Variants in SOCS6 observed in about 807,000 individuals in gnomAD.
SOCS6 encodes the protein suppressor of cytokine signaling 6.
Under a neutral mutation model 27.7 loss-of-function variants are expected in SOCS6, and 5 were observed. The observed-to-expected ratio is 0.18, with a 90% CI of 0.09 to 0.38. The LOEUF (loss-of-function observed/expected upper bound fraction) is 0.38. Ranked by LOEUF, SOCS6 falls within the 10% of genes least tolerant of loss-of-function variation. The pLI is 1.00. For missense variants in SOCS6, 595 were observed against 688.1 expected (o/e 0.86, Z 1.51); for synonymous variants, 271 against 260.0 (o/e 1.04, Z -0.41).
rs1911283803 is a variant in SOCS6 at position 70,328,230 on chromosome 18, A to G, written c.*1954A>G. On this transcript the variant is annotated 3_prime_UTR_variant, in exon 2 of 2. Coordinates refer to ENST00000397942, the MANE Select transcript of SOCS6 (RefSeq NM_004232.4). Reference sequence around the variant, plus strand: ...AAACTATTTATTTTTAAAACAACTTAAAGTATATCTAGGGTGAGTTAAAAG... The same window carrying G: ...AAACTATTTATTTTTAAAACAACTTGAAGTATATCTAGGGTGAGTTAAAAG... 2 of 167,034 alleles carry G rather than the reference A, an allele frequency of 1.2e-5. No individual in the cohort carries two copies. Among genetic ancestry groups the G allele is most frequent in the African/African-American group, 4.8e-5 (2 of 41,452 alleles). 10.3% of individuals were successfully genotyped at this position (167,034 alleles called of 1,614,324 possible).
chr18:70,289,626 G>A (rs1600143884), intron 1 of SOCS6, among the ~76,000 whole-genome samples: 4 of 148,420 alleles, frequency 2.7e-5, no homozygotes, highest in South Asian at 4.2e-4. Context: ...GGCGCGGCGA[G>A]GCCGCAGGCG....
intron 1 of SOCS6, among the ~76,000 whole-genome samples, chr18:70,300,355 C>T (rs1296450096): frequency 2.0e-5 from 3 of 152,194 alleles, no homozygotes; most frequent in Non-Finnish European, 4.4e-5. Flanking sequence ...TCTCGAACAC[C>T]TGACCTCAAG....
chr18:70,325,492 T>C lies in SOCS6; in HGVS notation c.824T>C (p.Val275Ala). ...DESQVDQDLV[V>A]APEIFVDQSV... ...AGTCAGGTAGACCAGGACCTAGTTG[T>C]CGCCCCAGAGATCTTCGTGGATCAG... Residue 275 changes from valine to alanine, a missense_variant, in exon 2 of 2, where the codon GTC (valine) becomes GCC (alanine). By Grantham distance (64) the Val-to-Ala change is moderately conservative (BLOSUM62 0). This residue lies in a region of SOCS6 where 467 missense variants were observed against 481.1 expected (regional missense o/e 0.97). Coordinates refer to ENST00000397942, the MANE Select transcript of SOCS6 (RefSeq NM_004232.4). The surrounding 1 kb of genome is among the most constrained non-coding windows in gnomAD (Gnocchi z 6.3). The C allele has an allele frequency of 6.2e-7, 1 of 1,614,148 alleles. No individual in the cohort carries two copies. Among genetic ancestry groups the C allele is most frequent in the Non-Finnish European group, 8.5e-7 (1 of 1,180,034 alleles).
intron 1 of SOCS6, among the ~76,000 whole-genome samples, chr18:70,317,198 A>G (rs1306914622): frequency 1.3e-5 from 2 of 151,514 alleles, no homozygotes; most frequent in Non-Finnish European, 2.9e-5. Context: ...TTTATCCCTC[A>G]CCCCCTCCCA....
At position 70,326,309 on chromosome 18, in the gene SOCS6, A is replaced by G; in HGVS notation, c.*33A>G. On this transcript the variant is annotated 3_prime_UTR_variant, in exon 2 of 2. Coordinates refer to ENST00000397942, the MANE Select transcript of SOCS6 (RefSeq NM_004232.4). ...AGAACCCTGCATCTTGCACTTTGGG[A>G]ATAAGAACAAGAGATTGAAATACAG... The G allele has an allele frequency of 6.5e-7, 1 of 1,532,186 alleles. No individual in the cohort carries two copies. Among genetic ancestry groups the G allele is most frequent in the Non-Finnish European group, 8.9e-7 (1 of 1,128,170 alleles). 94.9% of individuals were successfully genotyped at this position (1,532,186 alleles called of 1,614,324 possible).
intron 1 of SOCS6, among the ~76,000 whole-genome samples, chr18:70,290,690 C>T (rs2062294956): frequency 6.6e-6 from 1 of 152,230 alleles, no homozygotes; most frequent in Admixed American, 6.5e-5. Context: ...GAACTTCTAT[C>T]TGGAGTTTGG....
intron 1 of SOCS6, among the ~76,000 whole-genome samples, chr18:70,310,483 T>G (rs1191391224): frequency 1.3e-5 from 2 of 148,460 alleles, no homozygotes; most frequent in Non-Finnish European, 3.0e-5. Context: ...TTTTTTTTTT[T>G]TTTTTGCAGA....
rs1332886593 is a variant in SOCS6, at chr18:70,310,467, G to GT, written c.-126-14076_-126-14075insT. ...TGGCTAATTTTCTAATTTTTTGTGG[G>GT]GTTTTTTTTTTTTTTTTTTTTGCAG... On this transcript the variant is annotated intron_variant, in intron 1 of 1. Transcript: ENST00000397942. 2.6e-3 allele frequency among the ~76,000 whole-genome samples: 360 copies of GT among 139,536 alleles called. 8 individuals are homozygous for GT. The highest frequency in any genetic ancestry group is 4.8e-3 in the South Asian group (21 of 4,334). 91.5% of individuals were successfully genotyped at this position (139,536 alleles called of 152,430 possible).
intron 1 of SOCS6, among the ~76,000 whole-genome samples, chr18:70,316,169 A>C (rs2062410621): frequency 6.6e-6 from 1 of 152,112 alleles, no homozygotes; most frequent in Non-Finnish European, 1.5e-5. Flanking sequence ...CATTTTCATT[A>C]TGTTAGTATA....
intron 1 of SOCS6, among the ~76,000 whole-genome samples, chr18:70,311,282 G>T (rs1398423316): frequency 6.6e-6 from 1 of 152,180 alleles, no homozygotes; most frequent in Non-Finnish European, 1.5e-5. Flanking sequence ...GCAAAAGGCT[G>T]AAATGAGGTA....
At chr18:70,298,253 A>C (rs1288587925) in intron 1 of SOCS6, among the ~76,000 whole-genome samples, 1 of 152,200 alleles carries the variant, frequency 6.6e-6, no homozygotes, top group East Asian at 1.9e-4. Context: ...CAAATTCTGA[A>C]AGAATCTTAC....
chr18:70,295,105 C>T (rs1055020951), intron 1 of SOCS6, among the ~76,000 whole-genome samples: 2 of 152,148 alleles, frequency 1.3e-5, no homozygotes, highest in Admixed American at 6.5e-5. Flanking sequence ...TAAATTTGGT[C>T]ATCTGGAGAG....
At position 70,325,876 on chromosome 18, in the gene SOCS6, A is replaced by G; in HGVS notation, c.1208A>G (p.Asp403Gly). Residue 403 changes from aspartate to glycine, a missense_variant, in exon 2 of 2, where the codon GAT (aspartate) becomes GGT (glycine). Transcript: ENST00000397942. This position sits in a 1 kb window ranked among gnomAD's most constrained non-coding sequence, Gnocchi z 6.3. The stretch of plus-strand genomic sequence containing the variant: ...GAAGGGAAGCTAGCAAACGTGCCAG[A>G]TGGTTCTTTTCTTGTTCGGGACAGT... ...EAEGKLANVP[D>G]GSFLVRDSSD... is the part of the protein sequence containing the mutation. 6.2e-7 allele frequency: 1 copy of G among 1,614,182 alleles called. No homozygotes were observed. The highest frequency in any genetic ancestry group is 8.5e-7 in the Non-Finnish European group (1 of 1,180,000).
intron 1 of SOCS6, among the ~76,000 whole-genome samples, chr18:70,302,262 G>A (rs187268444): frequency 8.3e-4 from 127 of 152,096 alleles, no homozygotes; most frequent in Admixed American, 1.3e-3. Flanking sequence ...TTCTGATGTC[G>A]TTCCTTTTCT....
Position 70,309,844 on chromosome 18 carries a change from C to T in SOCS6, c.-126-14699C>T, listed in dbSNP as rs557934382. On this transcript the variant is annotated intron_variant, in intron 1 of 1. Coordinates refer to ENST00000397942, the MANE Select transcript of SOCS6 (RefSeq NM_004232.4). ...GATTACAGGCATGTGCCACCTCACG[C>T]AGCTAATTGTTTTGTGTTTTTAGTA... Among the ~76,000 whole-genome samples, 4 of 152,272 alleles carry T rather than the reference C, an allele frequency of 2.6e-5. 1 individual carries two copies. In the South Asian group the frequency reaches 8.3e-4, roughly 32 times the overall value.
intron 1 of SOCS6, among the ~76,000 whole-genome samples, chr18:70,301,072 T>G (rs1002297790): frequency 6.6e-6 from 1 of 152,204 alleles, no homozygotes; most frequent in African/African-American, 2.4e-5. Context: ...GTGAAATGTC[T>G]GAGATTTTTG....
In SOCS6 at chr18:70,326,342, A is replaced by G; in HGVS notation, c.*66A>G. On this transcript the variant is annotated 3_prime_UTR_variant, in exon 2 of 2. Coordinates refer to ENST00000397942, the MANE Select transcript of SOCS6 (RefSeq NM_004232.4). ...CAAGAGATTGAAATACAGTTTACAAACTTTCATTGCCATCAAAATCTTTTG... is the reference window on the plus strand; with the variant it reads ...CAAGAGATTGAAATACAGTTTACAAGCTTTCATTGCCATCAAAATCTTTTG... The G allele has an allele frequency of 7.6e-7, 1 of 1,310,584 alleles. No individual in the cohort carries two copies. Among genetic ancestry groups the G allele is most frequent in the Non-Finnish European group, 1.1e-6 (1 of 945,942 alleles). 81.2% of individuals were successfully genotyped at this position (1,310,584 alleles called of 1,614,324 possible).
intron 1 of SOCS6, among the ~76,000 whole-genome samples, chr18:70,305,431 T>A (rs1196442558): frequency 1.3e-5 from 2 of 152,270 alleles, no homozygotes; most frequent in Non-Finnish European, 2.9e-5. Flanking sequence ...ATTTCCAGAC[T>A]CCTTTATTCT....
chr18:70,326,020 A>G lies in SOCS6; in HGVS notation c.1352A>G (p.His451Arg), dbSNP rs757305340. 4.3e-6 allele frequency: 7 copies of G among 1,614,134 alleles called. No individual in the cohort carries two copies. The highest frequency in any genetic ancestry group is 5.1e-6 in the Non-Finnish European group (6 of 1,180,038). The change falls in exon 2 of 2, where the codon CAT becomes CGT. Residue 451 changes from histidine (H) to arginine (R), a missense_variant. By Grantham distance (29) the His-to-Arg change is conservative. Around this residue, in one of 2 missense-constraint regions of SOCS6, gnomAD observed 128 missense variants for 207.0 expected, o/e 0.62. Coordinates refer to ENST00000397942, the MANE Select transcript of SOCS6 (RefSeq NM_004232.4). ...SFYEQPDVEG[H>R]TSIVDLIEHS... ...TATGAACAGCCAGATGTGGAAGGACATACGTCCATAGTTGATCTAATTGAG... is the reference window on the plus strand; with the variant it reads ...TATGAACAGCCAGATGTGGAAGGACGTACGTCCATAGTTGATCTAATTGAG...
Sources: allele counts gnomAD v4.1 joint callset (sites outside exome capture counted in the v4.1 genomes callset), GRCh38; gene constraint gnomAD v4.1.1; regional missense constraint gnomAD v4.1.1; non-coding constraint Gnocchi (gnomAD v3.1); transcripts MANE v1.5; gene names NCBI Gene and HGNC (gene_info 2026-07-23, HGNC 2026-07-21).